CAPN9: variants seen among roughly 807,000 people sequenced by gnomAD.
The protein encoded by CAPN9 is calpain 9.
Under a neutral mutation model 92.8 loss-of-function variants are expected in CAPN9, and 81 were observed. The ratio of observed to expected loss-of-function variants is 0.87; its 90% CI spans 0.73 to 1.05. The LOEUF (loss-of-function observed/expected upper bound fraction) is 1.05, where lower values mean the gene tolerates loss of function less well. Ranked by LOEUF, CAPN9 falls within the 50% of genes least tolerant of loss-of-function variation. CAPN9 has a pLI of 0.00. For synonymous variants in CAPN9, 304 were observed against 328.0 expected, an observed-to-expected ratio of 0.93 and a Z score of 0.79; for missense variants, 848 against 866.2, an observed-to-expected ratio of 0.98 and a Z score of 0.26.
At chr1:230,778,026 A>G (rs1666940126) in intron 8 of CAPN9, among the ~76,000 whole-genome samples, 2 of 152,234 alleles carry the variant, frequency 1.3e-5, no homozygotes, top group South Asian at 4.1e-4. Context: ...AGAGTCACAT[A>G]TTCAATGGTC....
Position 230,774,565 on chromosome 1 carries a change from G to A in CAPN9, c.887G>A (p.Trp296Ter), listed in dbSNP as rs1265781289. Residue 296 changes from tryptophan to a stop codon, truncating the protein, a stop_gained, in exon 8 of 20, where the codon TGG becomes TAG. Transcript: ENST00000271971. LOFTEE classifies it high-confidence loss of function. ...TTGTTTACTCCTAGTTCTCCGGAGT[G>A]GCGTTCTGTTGGTCCAGCTGAGCAG... ...NGSWSDSSPEWRSVGPAEQKR... is the reference protein window; with the variant it reads ...NGSWSDSSPE 6.2e-7 allele frequency: 1 copy of A among 1,613,424 alleles called. No homozygotes were observed. The highest frequency in any genetic ancestry group is 1.7e-5 in the Admixed American group (1 of 60,018).
chr1:230,759,671 G>A (rs1665506124), intron 3 of CAPN9, 41 bp downstream of exon 3: 15 of 1,355,678 alleles, frequency 1.1e-5, no homozygotes, highest in Non-Finnish European at 1.5e-5. Flanking sequence ...CCTCTCTGGG[G>A]CCCGGCATGA....
chr1:230,791,001 TCTCACATG>T, intron 14 of CAPN9, among the ~76,000 whole-genome samples: 1 of 152,366 alleles, frequency 6.6e-6, no homozygotes, highest in Non-Finnish European at 1.5e-5. Context: ...GACTGGCTTT[TCTCACATG>T]GTGTGATGTT....
At chr1:230,748,202 G>A (rs4078403) in intron 1 of CAPN9, among the ~76,000 whole-genome samples, 28,433 of 152,116 alleles carry the variant, frequency 0.19, 3,036 homozygotes, top group African/African-American at 0.29. Context: ...ATCTTCTCCC[G>A]AGAACCATGC....
intron 8 of CAPN9, among the ~76,000 whole-genome samples, chr1:230,775,509 A>T (rs1175589931): frequency 6.6e-6 from 1 of 152,200 alleles, no homozygotes; most frequent in African/African-American, 2.4e-5. Context: ...GGGTTCTAGA[A>T]GTTGGCCCTT....
chr1:230,773,631 C>T (rs1158902641), intron 7 of CAPN9, among the ~76,000 whole-genome samples: 7 of 152,240 alleles, frequency 4.6e-5, no homozygotes, highest in Admixed American at 2.0e-4. Context: ...TTGAAGGCAC[C>T]GCATGGCCAG....
intron 11 of CAPN9, among the ~76,000 whole-genome samples, chr1:230,781,711 A>G (rs925631332): frequency 2.0e-5 from 3 of 152,242 alleles, no homozygotes; most frequent in Non-Finnish European, 4.4e-5. Flanking sequence ...TAAGCTAGAT[A>G]AGTCTCCAAC....
chr1:230,800,263 AAAGAAAG>A (rs1558124147), intron 19 of CAPN9, among the ~76,000 whole-genome samples: 1 of 129,610 alleles, frequency 7.7e-6, no homozygotes, highest in African/African-American at 3.0e-5. Context: ...AGAAAGAAAG[AAAGAAAG>A]AAAGAAAGAA....
At position 230,780,614 on chromosome 1, in the gene CAPN9, C is replaced by T; in HGVS notation, c.1387C>T (p.Pro463Ser). 2 of 1,614,154 alleles carry T rather than the reference C, an allele frequency of 1.2e-6. No individual in the cohort carries two copies. Among genetic ancestry groups the T allele is most frequent in the Non-Finnish European group, 1.7e-6 (2 of 1,180,008 alleles). Residue 463 changes from proline (P) to serine (S), a missense_variant, in exon 11 of 20, where the codon CCT becomes TCT. By Grantham distance (74) the Pro-to-Ser change is moderately conservative (BLOSUM62 -1). Transcript: ENST00000271971. ...AGTCTCCGACCGGTTCAAGCTGCCC[C>T]CTGGGGAGTACATCCTGATTCCCAG... ...REVSDRFKLPPGEYILIPSTF... is the reference protein window; with the variant it reads ...REVSDRFKLPSGEYILIPSTF...
At chr1:230,767,973 C>T (rs550937144) in intron 5 of CAPN9, among the ~76,000 whole-genome samples, 6 of 149,210 alleles carry the variant, frequency 4.0e-5, no homozygotes, top group Admixed American at 6.7e-5. Flanking sequence ...TGTAACAAAC[C>T]TGCACGTTGT....
chr1:230,780,314 C>T lies in CAPN9; in HGVS notation c.1250C>T (p.Thr417Ile), dbSNP rs764273878. 6.2e-7 allele frequency: 1 copy of T among 1,614,070 alleles called. No homozygotes were observed. Among genetic ancestry groups the T allele is most frequent in the Non-Finnish European group, 8.5e-7 (1 of 1,179,994 alleles). The part of the protein sequence containing the change: ...KLKRFGANVL[T>I]IGYAIYECPD... The stretch of plus-strand genomic sequence containing the variant: ...AAGAGATTTGGTGCCAATGTGCTGA[C>T]AATCGGCTATGCCATTTATGAGGTA... The change falls in exon 10 of 20, where the codon ACA (threonine) becomes ATA (isoleucine). Residue 417 changes from threonine to isoleucine, a missense_variant. Transcript: ENST00000271971.
chr1:230,784,291 C>T (rs374895582), intron 11 of CAPN9, among the ~76,000 whole-genome samples: 1 of 152,170 alleles, frequency 6.6e-6, no homozygotes, highest in Non-Finnish European at 1.5e-5. Context: ...ATGGAGCAAC[C>T]ACTTGCTAGA....
rs1486311362 is a variant in CAPN9, at chr1:230,757,283, C to T, written c.283+1877C>T. Among the ~76,000 whole-genome samples the T allele has an allele frequency of 2.0e-5, 3 of 152,080 alleles. No homozygotes were observed. The East Asian group carries it at 5.8e-4, about 29-fold the overall frequency. ...TCAGGTGGTCCTTCTCCAGGAGATC[C>T]TCCCTGCCGCTGCCCACCTCTCCCC... On this transcript the variant is annotated intron_variant, in intron 2 of 19. Coordinates refer to ENST00000271971, the MANE Select transcript of CAPN9 (RefSeq NM_006615.3).
At chr1:230,754,578 G>A (rs1665099110) in intron 1 of CAPN9, among the ~76,000 whole-genome samples, 1 of 149,374 alleles carries the variant, frequency 6.7e-6, no homozygotes, top group South Asian at 2.1e-4. Flanking sequence ...AAGGCGGGAG[G>A]ATCACTTGAG....
chr1:230,801,766 T>A lies in CAPN9; in HGVS notation c.*170T>A, dbSNP rs1051754295. 1 of 676,356 alleles carries A rather than the reference T, an allele frequency of 1.5e-6. No individual in the cohort carries two copies. Among genetic ancestry groups the A allele is most frequent in the African/African-American group, 1.8e-5 (1 of 56,300 alleles). The allele number at this position is 676,356 out of a possible 1,614,324, so 41.9% of individuals were successfully genotyped here. On this transcript the variant is annotated 3_prime_UTR_variant, in exon 20 of 20. Coordinates refer to ENST00000271971, the MANE Select transcript of CAPN9 (RefSeq NM_006615.3). ...AAGAATGAAATGAACTCAGCTACAC[T>A]CTCTGATTTTGTGCTACTCCTTTGT...
At position 230,753,977 on chromosome 1, in the gene CAPN9, C is replaced by T. The variant is rs547656256; in HGVS notation, c.214-1360C>T. ...TCCCTCTCCATCCTCGCTCTTTTCT[C>T]TCCTGGTTTATGGTTTGTCTCTTCC... On this transcript the variant is annotated intron_variant, in intron 1 of 19. Coordinates refer to ENST00000271971, the MANE Select transcript of CAPN9 (RefSeq NM_006615.3). 1.3e-3 allele frequency among the ~76,000 whole-genome samples: 201 copies of T among 152,156 alleles called. 1 individual carries two copies. The highest frequency in any genetic ancestry group is 3.4e-3 in the Middle Eastern group (1 of 294).
At chr1:230,785,892 A>G in intron 11 of CAPN9, 89 bp from the exon 12 acceptor site, 1 of 1,283,306 alleles carries the variant, frequency 7.8e-7, no homozygotes, top group African/African-American at 1.5e-5. Flanking sequence ...AAGGGACAGA[A>G]CCTTCCCAGG....
At chr1:230,771,907 A>G in intron 6 of CAPN9, 107 bp from the exon 7 acceptor site, 1 of 885,254 alleles carries the variant, frequency 1.1e-6, no homozygotes, top group Non-Finnish European at 1.9e-6. Flanking sequence ...GACTTTCAAC[A>G]GAACCAGTTC....
chr1:230,785,285 C>T (rs28741101), intron 11 of CAPN9, among the ~76,000 whole-genome samples: 4 of 152,150 alleles, frequency 2.6e-5, no homozygotes, highest in African/African-American at 9.7e-5. Context: ...TGACTTAAGA[C>T]TTTGGGGGTT....
Sources: allele counts gnomAD v4.1 joint callset (sites outside exome capture counted in the v4.1 genomes callset), GRCh38; gene constraint gnomAD v4.1.1; transcripts MANE v1.5; gene names NCBI Gene and HGNC (gene_info 2026-07-23, HGNC 2026-07-21).